The following LINGO2 variants were observed in gnomAD, a reference collection of about 807,000 sequenced individuals.
LINGO2 encodes leucine rich repeat and Ig domain containing 2, also known as leucine-rich repeat and immunoglobulin-like domain-containing nogo receptor-interacting protein 2.
A neutral mutation model predicts 30.6 loss-of-function variants in LINGO2; 14 were observed. That is an observed-to-expected ratio of 0.46 (90% CI 0.30 to 0.72). The LOEUF is 0.72. Among genes scored for constraint, LINGO2 ranks in the 30% least tolerant of loss-of-function variants. The pLI, the probability that LINGO2 is intolerant of heterozygous loss-of-function variation, is 0.07. For missense variants in LINGO2, 729 were observed against 751.7 expected (o/e 0.97, Z 0.35); for synonymous variants, 317 against 288.5 (o/e 1.10, Z -1.00).
chr9:28,154,835 A>T (rs889334325), intron 4 of LINGO2, among the ~76,000 whole-genome samples: 1 of 152,232 alleles, frequency 6.6e-6, no homozygotes, highest in African/African-American at 2.4e-5. Flanking sequence ...TCTTGAATGA[A>T]GACATCTTTT....
chr9:28,360,752 C>T (rs1820407022), intron 3 of LINGO2, among the ~76,000 whole-genome samples: 1 of 152,146 alleles, frequency 6.6e-6, no homozygotes, highest in Non-Finnish European at 1.5e-5. Flanking sequence ...TCCTGCTTCC[C>T]TTACACAGTC....
At chr9:28,172,321 G>A (rs1828625220) in intron 4 of LINGO2, among the ~76,000 whole-genome samples, 1 of 149,918 alleles carries the variant, frequency 6.7e-6, no homozygotes, top group Non-Finnish European at 1.5e-5. Flanking sequence ...AACCCGGGAG[G>A]CGGAGCTTGC....
chr9:28,453,803 A>G (rs1449096463), intron 2 of LINGO2, among the ~76,000 whole-genome samples: 1 of 151,984 alleles, frequency 6.6e-6, no homozygotes, highest in Non-Finnish European at 1.5e-5. Flanking sequence ...CATGACTCAA[A>G]AAGCTTCCTA....
intron 4 of LINGO2, among the ~76,000 whole-genome samples, chr9:28,088,619 A>C (rs1825982825): frequency 1.3e-5 from 2 of 152,024 alleles, no homozygotes; most frequent in Non-Finnish European, 2.9e-5. Flanking sequence ...AGCCTTTAGC[A>C]CGGGATTAAG....
chr9:28,727,637 A>G, the LINGO2 span, among the ~76,000 whole-genome samples: 1 of 152,152 alleles, frequency 6.6e-6, no homozygotes, highest in African/African-American at 2.4e-5. Context: ...ATCCGTCTTT[A>G]GATAGATAAA....
intron 4 of LINGO2, among the ~76,000 whole-genome samples, chr9:28,104,255 GTTTTTTGTTTGTTTTTTT>G (rs1438500778): frequency 1.3e-5 from 1 of 75,158 alleles, no homozygotes; most frequent in African/African-American, 4.3e-5. Flanking sequence ...CCCAGTACAA[GTTTTTTGTTTGTTTTTTT>G]TTTTTTTTTT....
At chr9:28,298,270 A>G (rs946574947) in intron 3 of LINGO2, among the ~76,000 whole-genome samples, 1 of 152,118 alleles carries the variant, frequency 6.6e-6, no homozygotes, top group Non-Finnish European at 1.5e-5. Flanking sequence ...AAAGGATTTA[A>G]TTATTTTATG....
intron 3 of LINGO2, among the ~76,000 whole-genome samples, chr9:28,302,986 T>TA (rs1824206290): frequency 6.6e-6 from 1 of 152,158 alleles, no homozygotes; most frequent in Admixed American, 6.5e-5. Context: ...GTATAGGTCT[T>TA]ACGCTTTCTA....
the LINGO2 span, among the ~76,000 whole-genome samples, chr9:28,786,862 A>T: frequency 6.6e-6 from 1 of 152,158 alleles, no homozygotes; most frequent in Non-Finnish European, 1.5e-5. Flanking sequence ...TTTGACGGGT[A>T]AGCAGGAACA....
At chr9:28,783,391 T>C in the LINGO2 span, among the ~76,000 whole-genome samples, 1 of 152,174 alleles carries the variant, frequency 6.6e-6, no homozygotes, top group Non-Finnish European at 1.5e-5. Context: ...TGTTATACTA[T>C]ATTTTTAAAT....
chr9:28,621,593 G>A (rs1826397023), intron 1 of LINGO2, among the ~76,000 whole-genome samples: 1 of 151,948 alleles, frequency 6.6e-6, no homozygotes, highest in South Asian at 2.1e-4. Context: ...AAATGTTCCT[G>A]AGATATATAA....
the LINGO2 span, among the ~76,000 whole-genome samples, chr9:29,138,352 C>A: frequency 6.6e-6 from 1 of 152,080 alleles, no homozygotes; most frequent in Non-Finnish European, 1.5e-5. Context: ...CCCAAAAGTA[C>A]ATTCCTGACC....
At chr9:28,164,215 C>T (rs1385030677) in intron 4 of LINGO2, among the ~76,000 whole-genome samples, 1 of 152,112 alleles carries the variant, frequency 6.6e-6, no homozygotes, top group Non-Finnish European at 1.5e-5. Flanking sequence ...TCTGAAGGTA[C>T]AGCTAAACCC....
chr9:29,004,341 T>C, the LINGO2 span, among the ~76,000 whole-genome samples: 1 of 151,964 alleles, frequency 6.6e-6, no homozygotes, highest in Non-Finnish European at 1.5e-5. Context: ...AATGCAGACT[T>C]CAATTACCAA....
At chr9:28,028,489 ACG>A (rs1823497291) in intron 4 of LINGO2, among the ~76,000 whole-genome samples, 1 of 151,590 alleles carries the variant, frequency 6.6e-6, no homozygotes, top group African/African-American at 2.4e-5. Flanking sequence ...ATGTATATAC[ACG>A]TAACACCCAG....
At position 27,994,640 on chromosome 9, in the gene LINGO2, G is replaced by A. The variant is rs542682704; in HGVS notation, c.-36+17715C>T. Among the ~76,000 whole-genome samples, 4 of 152,238 alleles carry A rather than the reference G, an allele frequency of 2.6e-5. No individual in the cohort carries two copies. The East Asian group carries it at 7.7e-4, about 29-fold the overall frequency. ...GTAGTTCGATGCATGCCTAAGGAGG[G>A]GCAAAGGGCAATGAAGAAATTCCTA... On this transcript the variant is annotated intron_variant, in intron 5 of 5. Coordinates refer to ENST00000379992, the Ensembl canonical transcript of LINGO2.
chr9:28,172,734 AT>A lies in LINGO2; in HGVS notation c.-87+122473del, dbSNP rs555722640. On this transcript the variant is annotated intron_variant, in intron 4 of 5. Coordinates refer to ENST00000379992, the Ensembl canonical transcript of LINGO2. ...ATTGTCCTTAAGTAAAATTTTCTCA[AT>A]TTTTTTTTTCTGGAAGCTCATTCTT... 1.5e-3 allele frequency among the ~76,000 whole-genome samples: 218 copies of A among 149,824 alleles called. 2 individuals are homozygous for A. In the South Asian group the frequency reaches 0.021, roughly 15 times the overall value.
chr9:28,755,137 T>C, the LINGO2 span, among the ~76,000 whole-genome samples: 3 of 152,100 alleles, frequency 2.0e-5, no homozygotes, highest in African/African-American at 7.3e-5. Flanking sequence ...AAGCAAATAA[T>C]ACAGCTAAGT....
chr9:28,655,104 G>A, intron 1 of LINGO2, among the ~76,000 whole-genome samples: 1 of 152,134 alleles, frequency 6.6e-6, no homozygotes, highest in East Asian at 1.9e-4. Flanking sequence ...TCCTGAAGGT[G>A]ATTTCCCCCA....
Sources: gnomAD v4.1 joint callset for allele counts (sites outside exome capture counted in the v4.1 genomes callset) on GRCh38, gnomAD v4.1.1 for gene constraint, MANE v1.5 for transcripts, NCBI Gene and HGNC (gene_info 2026-07-23, HGNC 2026-07-21) for gene names.